The following OTOGL variants were observed in gnomAD, a reference collection of about 807,000 sequenced individuals.
OTOGL encodes otogelin-like protein.
In OTOGL, 285 loss-of-function variants were observed where a neutral mutation model predicts 318.5. The observed-to-expected ratio is 0.89, with a 90% confidence interval of 0.81 to 0.99. OTOGL has a LOEUF of 0.99. OTOGL is among the 50% of genes least tolerant of loss of function. The pLI is 0.00. For synonymous variants in OTOGL, 987 were observed against 936.5 expected (o/e 1.05, Z -0.99); for missense variants, 2,899 against 2,845.6 (o/e 1.02, Z -0.43).
chr12:80,242,101 A>T (rs1176373953), intron 11 of OTOGL, among the ~76,000 whole-genome samples: 1 of 152,122 alleles, frequency 6.6e-6, no homozygotes, highest in East Asian at 1.9e-4. Context: ...ACCTGGCAAA[A>T]ACTTGGATGT....
At chr12:80,282,260 G>A (rs865979440) in intron 26 of OTOGL, among the ~76,000 whole-genome samples, 1 of 151,764 alleles carries the variant, frequency 6.6e-6, no homozygotes, top group Non-Finnish European at 1.5e-5. Context: ...TATTATTAGA[G>A]GTTTGTGTGT....
chr12:80,118,479 T>C (rs2137093702), intron 1 of OTOGL, among the ~76,000 whole-genome samples: 1 of 152,264 alleles, frequency 6.6e-6, no homozygotes, highest in Non-Finnish European at 1.5e-5. Flanking sequence ...GGACCCTGAC[T>C]CTCATGTGCC....
intron 11 of OTOGL, among the ~76,000 whole-genome samples, chr12:80,247,912 T>C (rs755276069): frequency 0.058 from 5,987 of 104,074 alleles, 223 homozygotes; most frequent in Middle Eastern, 0.11. Flanking sequence ...CCTTTACCAT[T>C]ATGTAATGGC....
At chr12:80,376,254 T>G (rs892307175) in intron 57 of OTOGL, among the ~76,000 whole-genome samples, 3 of 152,110 alleles carry the variant, frequency 2.0e-5, no homozygotes, top group African/African-American at 7.2e-5. Context: ...CTTTATCTAT[T>G]TTACATGTTG....
In OTOGL at chr12:80,322,219, A is replaced by ATATC. The variant is rs531570915; in HGVS notation, c.4082-1500_4082-1497dup. On this transcript the variant is annotated intron_variant, in intron 34 of 58. Coordinates refer to ENST00000547103, the MANE Select transcript of OTOGL (RefSeq NM_001378609.3). ...GCTCTTGAGAAAAGGAACCACTGAC[A>ATATC]TATCTATATAGCATTCCATACAGTG... 4.9e-3 allele frequency among the ~76,000 whole-genome samples: 750 copies of ATATC among 152,260 alleles called. 10 individuals carry two copies. Among genetic ancestry groups the ATATC allele is most frequent in the African/African-American group, 0.017 (722 of 41,548 alleles).
chr12:80,218,804 T>C (rs1221333308), intron 5 of OTOGL, among the ~76,000 whole-genome samples: 1 of 144,192 alleles, frequency 6.9e-6, no homozygotes, highest in African/African-American at 2.6e-5. Context: ...TCTTTTTTTT[T>C]TTTTTTTTTT....
intron 1 of OTOGL, among the ~76,000 whole-genome samples, chr12:80,138,064 G>T (rs1350996535): frequency 6.6e-6 from 1 of 152,136 alleles, no homozygotes; most frequent in Non-Finnish European, 1.5e-5. Context: ...TTCCTTCTCA[G>T]AGATGGTATA....
At chr12:80,315,849 A>G (rs1028605551) in intron 32 of OTOGL, among the ~76,000 whole-genome samples, 1 of 152,184 alleles carries the variant, frequency 6.6e-6, no homozygotes, top group Non-Finnish European at 1.5e-5. Context: ...GTCCTGTTCA[A>G]GATTTTAAAG....
chr12:80,137,390 G>A (rs959250590), intron 1 of OTOGL, among the ~76,000 whole-genome samples: 3 of 151,962 alleles, frequency 2.0e-5, no homozygotes, highest in Non-Finnish European at 4.4e-5. Flanking sequence ...ACATTGGTAT[G>A]GTGTTTCAAA....
chr12:80,366,210 A>G, intron 52 of OTOGL: 1 of 298,958 alleles, frequency 3.3e-6, no homozygotes, highest in South Asian at 2.5e-5. Flanking sequence ...TCCATTCCTA[A>G]GACTGTGCTA....
chr12:80,157,915 C>T (rs1246621427), intron 1 of OTOGL, among the ~76,000 whole-genome samples: 3 of 151,996 alleles, frequency 2.0e-5, no homozygotes, highest in African/African-American at 7.2e-5. Flanking sequence ...GTTGTAAATT[C>T]CTGAAGTGGT....
intron 1 of OTOGL, among the ~76,000 whole-genome samples, chr12:80,195,977 T>A (rs1365744936): frequency 6.6e-6 from 1 of 152,246 alleles, no homozygotes; most frequent in Admixed American, 6.5e-5. Context: ...TACATTCTCA[T>A]GCCTGTTCAT....
chr12:80,272,534 T>C (rs1033007497), intron 24 of OTOGL, among the ~76,000 whole-genome samples: 1 of 152,008 alleles, frequency 6.6e-6, no homozygotes, highest in Non-Finnish European at 1.5e-5. Flanking sequence ...GGCACACATA[T>C]AATCTGGCCT....
rs933835535 is a variant in OTOGL, at chr12:80,108,920, A to G, written c.-20+9315A>G. Among the ~76,000 whole-genome samples, 40 of 112,348 alleles carry G rather than the reference A, an allele frequency of 3.6e-4. 1 individual carries two copies. Among genetic ancestry groups the G allele is most frequent in the African/African-American group, 1.3e-3 (31 of 24,798 alleles). 73.7% of individuals were successfully genotyped at this position (112,348 alleles called of 152,430 possible). A position where few individuals can be genotyped will look rare whatever the true frequency, so the allele number is the denominator to read the frequency against. On this transcript the variant is annotated intron_variant, in intron 1 of 58. Transcript: ENST00000547103. Reference sequence around the variant, plus strand: ...TATATATATGTGTATATATATGTGTATATATATATGTGTGTGTATATATAT... The same window carrying G: ...TATATATATGTGTATATATATGTGTGTATATATATGTGTGTGTATATATAT...
chr12:80,305,054 G>T (rs1190259260), intron 28 of OTOGL, among the ~76,000 whole-genome samples: 1 of 152,158 alleles, frequency 6.6e-6, no homozygotes, highest in Non-Finnish European at 1.5e-5. Context: ...CAGGAAGGGG[G>T]ATGTGGAAAA....
intron 1 of OTOGL, among the ~76,000 whole-genome samples, chr12:80,127,579 G>T (rs1239731869): frequency 6.6e-6 from 1 of 152,290 alleles, no homozygotes; most frequent in East Asian, 1.9e-4. Flanking sequence ...GAATCTGAAT[G>T]TTGGCCTGCC....
chr12:80,323,720 C>T lies in OTOGL; in HGVS notation c.4082-3C>T. 6.2e-7 allele frequency: 1 copy of T among 1,606,696 alleles called. No individual in the cohort carries two copies. The highest frequency in any genetic ancestry group is 8.5e-7 in the Non-Finnish European group (1 of 1,174,778). On this transcript the variant is annotated splice_polypyrimidine_tract_variant and splice_region_variant and intron_variant, in intron 34 of 58. Coordinates refer to ENST00000547103, the MANE Select transcript of OTOGL (RefSeq NM_001378609.3). ...ACACAATCTAAACTTTATTTTTTCC[C>T]AGAAATCCAGGCAGCAGTGCCTTAC...
At chr12:80,280,554 T>A (rs571604063) in intron 26 of OTOGL, among the ~76,000 whole-genome samples, 2 of 152,082 alleles carry the variant, frequency 1.3e-5, no homozygotes, top group South Asian at 4.1e-4. Flanking sequence ...GAATGGAGAA[T>A]CCTTTCCTCA....
intron 1 of OTOGL, among the ~76,000 whole-genome samples, chr12:80,110,269 G>A (rs1044011815): frequency 3.3e-5 from 5 of 151,948 alleles, no homozygotes; most frequent in Admixed American, 6.6e-5. Context: ...GGGTTTCACC[G>A]TGTTAGCCAG....
Sources: gnomAD v4.1 joint callset for allele counts (sites outside exome capture counted in the v4.1 genomes callset) on GRCh38, gnomAD v4.1.1 for gene constraint, MANE v1.5 for transcripts, NCBI Gene and HGNC (gene_info 2026-07-23, HGNC 2026-07-21) for gene names.